Variants in LRRC1 observed in about 807,000 individuals in gnomAD.
The protein encoded by LRRC1 is leucine rich repeat containing 1, also known as leucine-rich repeat-containing protein 1.
LRRC1 carries 28 observed loss-of-function variants against 69.9 expected under a neutral mutation model. The observed-to-expected ratio is 0.40, with a 90% confidence interval of 0.30 to 0.55. LRRC1 has a LOEUF of 0.55. Among genes scored for constraint, LRRC1 ranks in the 20% least tolerant of loss-of-function variants. The pLI is 0.47. For missense variants in LRRC1, 498 were observed against 609.0 expected (o/e 0.82, Z 1.92); for synonymous variants, 236 against 240.2 (o/e 0.98, Z 0.16).
chr6:53,916,961 T>G (rs1034333059), intron 11 of LRRC1, among the ~76,000 whole-genome samples: 1 of 152,138 alleles, frequency 6.6e-6, no homozygotes, highest in Non-Finnish European at 1.5e-5. Context: ...TAACCACAAG[T>G]TTTTTATTTC....
chr6:53,892,792 T>A (rs1422677623), intron 4 of LRRC1, among the ~76,000 whole-genome samples: 1 of 152,178 alleles, frequency 6.6e-6, no homozygotes, highest in Non-Finnish European at 1.5e-5. Flanking sequence ...GGTTCTACAT[T>A]TTGGTGAAGG....
chr6:53,885,137 T>C (rs1215875320), intron 4 of LRRC1, among the ~76,000 whole-genome samples: 2 of 152,226 alleles, frequency 1.3e-5, no homozygotes, highest in African/African-American at 4.8e-5. Context: ...TGTTCTCACA[T>C]ACCAGAAAGA....
At chr6:53,898,393 A>G (rs1187721351) in intron 7 of LRRC1, among the ~76,000 whole-genome samples, 1 of 152,210 alleles carries the variant, frequency 6.6e-6, no homozygotes, top group Non-Finnish European at 1.5e-5. Flanking sequence ...GATGGGAGAA[A>G]ACTATCATGA....
At chr6:53,883,512 C>T (rs936750954) in intron 4 of LRRC1, among the ~76,000 whole-genome samples, 4 of 152,108 alleles carry the variant, frequency 2.6e-5, no homozygotes, top group Admixed American at 6.5e-5. Context: ...TCCATGTTGC[C>T]GGCTTAGAGG....
At chr6:53,859,533 A>G (rs1390606571) in intron 2 of LRRC1, among the ~76,000 whole-genome samples, 2 of 152,208 alleles carry the variant, frequency 1.3e-5, no homozygotes, top group Non-Finnish European at 2.9e-5. Context: ...TTTAGACCGA[A>G]AGGATGTCTT....
At chr6:53,856,032 C>G (rs1469845111) in intron 2 of LRRC1, among the ~76,000 whole-genome samples, 1 of 152,140 alleles carries the variant, frequency 6.6e-6, no homozygotes, top group Admixed American at 6.5e-5. Flanking sequence ...TCTCCAAAAC[C>G]CTTCTTTACT....
chr6:53,801,003 G>A (rs1764469323), intron 1 of LRRC1, among the ~76,000 whole-genome samples: 1 of 152,192 alleles, frequency 6.6e-6, no homozygotes, highest in Non-Finnish European at 1.5e-5. Flanking sequence ...TAAATGAGCA[G>A]TGCCAGAAGA....
At chr6:53,889,555 T>G (rs140746129) in intron 4 of LRRC1, among the ~76,000 whole-genome samples, 79 of 152,270 alleles carry the variant, frequency 5.2e-4, no homozygotes, top group Non-Finnish European at 1.0e-3. Context: ...AATCACATAT[T>G]CTATGACTCA....
At chr6:53,907,885 A>C (rs1768290615) in intron 10 of LRRC1, among the ~76,000 whole-genome samples, 1 of 152,174 alleles carries the variant, frequency 6.6e-6, no homozygotes, top group African/African-American at 2.4e-5. Flanking sequence ...ATCATTTGGC[A>C]GCTCATCTGT....
At chr6:53,922,329 T>C (rs1290964682) in intron 13 of LRRC1, among the ~76,000 whole-genome samples, 1 of 152,230 alleles carries the variant, frequency 6.6e-6, no homozygotes, top group Non-Finnish European at 1.5e-5. Context: ...AATTTTAAAA[T>C]AAATGTTCTT....
chr6:53,824,509 A>G (rs906517403), intron 1 of LRRC1, among the ~76,000 whole-genome samples: 2 of 151,914 alleles, frequency 1.3e-5, no homozygotes, highest in African/African-American at 4.8e-5. Context: ...CCATTTGTCA[A>G]TTTTTGCTTT....
At chr6:53,898,250 A>G (rs1024871052) in intron 7 of LRRC1, among the ~76,000 whole-genome samples, 6 of 152,196 alleles carry the variant, frequency 3.9e-5, no homozygotes, top group Non-Finnish European at 7.3e-5. Flanking sequence ...TGTTTATGAG[A>G]TCTTGGCTAC....
Position 53,902,731 on chromosome 6 carries a change from C to T in LRRC1, c.890C>T (p.Thr297Ile). 1 of 1,608,894 alleles carries T rather than the reference C, an allele frequency of 6.2e-7. No homozygotes were observed. ...ECESLTELVLTENQLLTLPKS... is the reference protein window; with the variant it reads ...ECESLTELVLIENQLLTLPKS... ...GAAAGTCTCACTGAGTTAGTTCTTA[C>T]AGAAAATCAGCTCCTGGTAAGTGTG... Residue 297 changes from threonine (T) to isoleucine (I), a missense_variant, in exon 9 of 14, where the codon ACA becomes ATA. Around this residue, in one of 3 missense-constraint regions of LRRC1, gnomAD observed 266 missense variants for 383.9 expected, o/e 0.69. Coordinates refer to ENST00000370888, the MANE Select transcript of LRRC1 (RefSeq NM_018214.5).
At chr6:53,872,919 G>A (rs1766941813) in intron 2 of LRRC1, among the ~76,000 whole-genome samples, 1 of 151,784 alleles carries the variant, frequency 6.6e-6, no homozygotes, top group Non-Finnish European at 1.5e-5. Context: ...GCTGCACCTG[G>A]CTAATTTTTG....
intron 1 of LRRC1, among the ~76,000 whole-genome samples, chr6:53,831,959 G>A (rs771551671): frequency 1.4e-4 from 21 of 152,198 alleles, no homozygotes; most frequent in Non-Finnish European, 2.6e-4. Flanking sequence ...TGTTGCCTAT[G>A]TGAGTTTTTT....
intron 10 of LRRC1, among the ~76,000 whole-genome samples, chr6:53,906,336 C>G (rs1356308368): frequency 2.6e-5 from 4 of 152,142 alleles, no homozygotes; most frequent in Non-Finnish European, 4.4e-5. Context: ...AGGGCAAGCC[C>G]CTGATTTGTT....
At chr6:53,811,881 G>T (rs1324545492) in intron 1 of LRRC1, among the ~76,000 whole-genome samples, 1 of 152,244 alleles carries the variant, frequency 6.6e-6, no homozygotes, top group African/African-American at 2.4e-5. Context: ...AAATCGTCAT[G>T]CAGTGAATGC....
intron 1 of LRRC1, among the ~76,000 whole-genome samples, chr6:53,825,980 T>G (rs968065035): frequency 1.3e-5 from 2 of 151,894 alleles, no homozygotes; most frequent in South Asian, 4.2e-4. Context: ...CTGAGTGTCC[T>G]TGAAGATTTT....
At chr6:53,842,703 G>T (rs1219835803) in intron 2 of LRRC1, among the ~76,000 whole-genome samples, 2 of 152,146 alleles carry the variant, frequency 1.3e-5, no homozygotes, top group African/African-American at 4.8e-5. Flanking sequence ...CCCTGGGGAA[G>T]GGTTGGTTTC....
Sources: allele counts gnomAD v4.1 joint callset (sites outside exome capture counted in the v4.1 genomes callset), GRCh38; gene constraint gnomAD v4.1.1; regional missense constraint gnomAD v4.1.1; transcripts MANE v1.5; gene names NCBI Gene and HGNC (gene_info 2026-07-23, HGNC 2026-07-21).